The following DEFB132 variants were observed in gnomAD, a reference collection of about 807,000 sequenced individuals.
The protein encoded by DEFB132 is defensin beta 132, also known as beta-defensin 132.
In DEFB132, 5 loss-of-function variants were observed where a neutral mutation model predicts 2.5. That is an observed-to-expected ratio of 2.00 (90% confidence interval 1.04 to 4.20). The LOEUF (loss-of-function observed/expected upper bound fraction) is 4.20, where lower values mean the gene tolerates loss of function less well. DEFB132 is among the 30% of genes most tolerant of loss of function. DEFB132 has a pLI of 0.00. For synonymous variants in DEFB132, 53 were observed against 46.2 expected (o/e 1.15, Z -0.60); for missense variants, 112 against 110.0 (o/e 1.02, Z -0.08).
rs1268004129 is a variant in DEFB132, at chr20:260,402, A to G, written c.*1096A>G. On this transcript the variant is annotated 3_prime_UTR_variant, in exon 2 of 2. Coordinates refer to ENST00000382376, the MANE Select transcript of DEFB132 (RefSeq NM_207469.3). ...ATATACTAATGCCATCTATAAATAC[A>G]AACAAATAGAATGTTTATAGAATAA... The G allele has an allele frequency of 6.6e-6, 1 of 152,244 alleles. No individual in the cohort carries two copies. The highest frequency in any genetic ancestry group is 1.9e-4 in the East Asian group (1 of 5,206). 9.4% of individuals were successfully genotyped at this position (152,244 alleles called of 1,614,324 possible).
In DEFB132 at chr20:259,907, A is replaced by ATGACAGCT. The variant is rs150807788; in HGVS notation, c.*604_*605insCAGCTTGA. The ATGACAGCT allele has an allele frequency of 0.014, 2,164 of 155,862 alleles. 50 individuals are homozygous for ATGACAGCT. Among genetic ancestry groups the ATGACAGCT allele is most frequent in the African/African-American group, 0.049 (2,029 of 41,562 alleles). 9.7% of individuals were successfully genotyped at this position (155,862 alleles called of 1,614,324 possible). A position where few individuals can be genotyped will look rare whatever the true frequency, so the allele number is the denominator to read the frequency against. ...TGACTGCTACCATAGGTCTGGAAGT[A>ATGACAGCT]TGAGGCTGTCCACCAACTATCCCCT... On this transcript the variant is annotated 3_prime_UTR_variant, in exon 2 of 2. Transcript: ENST00000382376.
intron 1 of DEFB132, 55 bp from the exon 2 acceptor site, chr20:259,022 G>C: frequency 1.3e-6 from 2 of 1,571,568 alleles, no homozygotes; most frequent in Non-Finnish European, 1.7e-6. Flanking sequence ...TGACGCTTTA[G>C]TAGCCCTGTG....
In DEFB132 at chr20:257,814, A is replaced by G; in HGVS notation, c.36A>G (p.Gly12=). ...TGCTCCTGGTCTTGGCAGCCCTCGGATTCCTGACCCAGGTGATCCCAGGTA... is the reference window on the plus strand; with the variant it reads ...TGCTCCTGGTCTTGGCAGCCCTCGGGTTCCTGACCCAGGTGATCCCAGGTA... The part of the protein sequence containing the change: ...KFLLLVLAAL[G]FLTQVIPASA... Residue 12 remains glycine, a synonymous_variant, in exon 1 of 2, where the codon GGA becomes GGG. Coordinates refer to ENST00000382376, the MANE Select transcript of DEFB132 (RefSeq NM_207469.3). The G allele has an allele frequency of 1.2e-6, 2 of 1,609,514 alleles. No homozygotes were observed. Among genetic ancestry groups the G allele is most frequent in the Non-Finnish European group, 1.7e-6 (2 of 1,176,696 alleles).
Position 259,392 on chromosome 20 carries a change from G to C in DEFB132, c.*86G>C. 6.9e-7 allele frequency: 1 copy of C among 1,455,576 alleles called. No individual in the cohort carries two copies. The highest frequency in any genetic ancestry group is 9.3e-7 in the Non-Finnish European group (1 of 1,075,238). The allele number at this position is 1,455,576 out of a possible 1,614,324, so 90.2% of individuals were successfully genotyped here. ...CCTACATTGCTGAGTACTAGCCAAG[G>C]CTCCTCTTTATGGGGCAGATATCTA... On this transcript the variant is annotated 3_prime_UTR_variant, in exon 2 of 2. Coordinates refer to ENST00000382376, the MANE Select transcript of DEFB132 (RefSeq NM_207469.3).
rs1017278122 is a variant in DEFB132 at position 260,386 on chromosome 20, T to C, written c.*1080T>C. 1 of 152,214 alleles carries C rather than the reference T, an allele frequency of 6.6e-6. No individual in the cohort carries two copies. The highest frequency in any genetic ancestry group is 1.5e-5 in the Non-Finnish European group (1 of 68,034). 9.4% of individuals were successfully genotyped at this position (152,214 alleles called of 1,614,324 possible). On this transcript the variant is annotated 3_prime_UTR_variant, in exon 2 of 2. Transcript: ENST00000382376. ...ATCTAAATGGTGAAATATATACTAA[T>C]GCCATCTATAAATACAAACAAATAG...
chr20:259,154 T>C lies in DEFB132; in HGVS notation c.136T>C (p.Leu46=), dbSNP rs777642220. The change falls in exon 2 of 2, where the codon TTG becomes CTG. Residue 46 remains leucine (L), a synonymous_variant. Coordinates refer to ENST00000382376, the MANE Select transcript of DEFB132 (RefSeq NM_207469.3). ...RTCCHWGETA[L]FMCNASRKCC... The stretch of plus-strand genomic sequence containing the variant: ...ATGTTGCCACTGGGGGGAGACAGCA[T>C]TGTTCATGTGCAACGCTTCCAGAAA... 4 of 1,614,188 alleles carry C rather than the reference T, an allele frequency of 2.5e-6. No homozygotes were observed. In the African/African-American group the frequency reaches 4.0e-5, roughly 16 times the overall value.
intron 1 of DEFB132, 125 bp from the exon 2 acceptor site, chr20:258,952 T>G: frequency 1.1e-6 from 1 of 920,390 alleles, no homozygotes; most frequent in Non-Finnish European, 1.6e-6. Context: ...CCAAGTCTCA[T>G]TTGCACAACA....
intron 1 of DEFB132, 34 bp downstream of exon 1, chr20:257,870 G>T: frequency 6.3e-7 from 1 of 1,588,326 alleles, no homozygotes; most frequent in South Asian, 1.1e-5. Context: ...AGGAAAACTG[G>T]GAACGAGGAA....
At chr20:258,439 A>T (rs1221696699) in intron 1 of DEFB132, among the ~76,000 whole-genome samples, 11 of 152,184 alleles carry the variant, frequency 7.2e-5, no homozygotes, top group Non-Finnish European at 1.6e-4. Context: ...ATGTGAAGAA[A>T]GCCAAAGAGG....
Position 259,100 on chromosome 20 carries a change from G to A in DEFB132, c.82G>A (p.Val28Met). 1 of 1,614,140 alleles carries A rather than the reference G, an allele frequency of 6.2e-7. No individual in the cohort carries two copies. The highest frequency in any genetic ancestry group is 8.5e-7 in the Non-Finnish European group (1 of 1,180,004). ...AGCCAGTGCAGGTGGGTCAAAATGT[G>A]TGAGTAACACCCCAGGATACTGCAG... is the stretch of plus-strand genomic sequence containing the variant. ...IPASAGGSKC[V>M]SNTPGYCRTC... Residue 28 changes from valine (V) to methionine (M), a missense_variant, in exon 2 of 2, where the codon GTG becomes ATG. By Grantham distance (21) the Val-to-Met change is conservative. Transcript: ENST00000382376.
At position 257,849 on chromosome 20, in the gene DEFB132, A is replaced by T; in HGVS notation, c.58+13A>T. 1 of 1,603,430 alleles carries T rather than the reference A, an allele frequency of 6.2e-7. No individual in the cohort carries two copies. Among genetic ancestry groups the T allele is most frequent in the Non-Finnish European group, 8.5e-7 (1 of 1,171,892 alleles). On this transcript the variant is annotated intron_variant, in intron 1 of 1. Coordinates refer to ENST00000382376, the MANE Select transcript of DEFB132 (RefSeq NM_207469.3). ...CAGGTGATCCCAGGTAAACTGGATA[A>T]ATAGGAGGAAAGGAAAACTGGGAAC...
rs190122531 is a variant in DEFB132 at position 260,233 on chromosome 20, T to G, written c.*927T>G. On this transcript the variant is annotated 3_prime_UTR_variant, in exon 2 of 2. Coordinates refer to ENST00000382376, the MANE Select transcript of DEFB132 (RefSeq NM_207469.3). ...AAATAAGCACAGAGAAGCAGAACTC[T>G]AATTGCTTAATCCACTAAACATTAC... 16 of 152,322 alleles carry G rather than the reference T, an allele frequency of 1.1e-4. No homozygotes were observed. In the East Asian group the frequency reaches 3.1e-3, roughly 29 times the overall value. The allele number at this position is 152,322 out of a possible 1,614,324, so 9.4% of individuals were successfully genotyped here. A position where few individuals can be genotyped will look rare whatever the true frequency, so the allele number is the denominator to read the frequency against.
rs2011639733 is a variant in DEFB132 at position 261,032 on chromosome 20, A to G, written c.*1726A>G. 6.6e-6 allele frequency: 1 copy of G among 152,360 alleles called. No homozygotes were observed. The highest frequency in any genetic ancestry group is 2.4e-5 in the African/African-American group (1 of 41,570). The allele number at this position is 152,360 out of a possible 1,614,324, so 9.4% of individuals were successfully genotyped here. A position where few individuals can be genotyped will look rare whatever the true frequency, so the allele number is the denominator to read the frequency against. The stretch of plus-strand genomic sequence containing the variant: ...CATTTGTATACTGGTTTGTTGATGG[A>G]CATTTGGGTTGTTCCCAGTTTATGG... On this transcript the variant is annotated 3_prime_UTR_variant, in exon 2 of 2. Coordinates refer to ENST00000382376, the MANE Select transcript of DEFB132 (RefSeq NM_207469.3).
intron 1 of DEFB132, among the ~76,000 whole-genome samples, chr20:258,357 G>T (rs538047316): frequency 1.3e-5 from 2 of 152,208 alleles, no homozygotes; most frequent in South Asian, 4.1e-4. Context: ...GATAATGCAG[G>T]GTCAGAAAGA....
chr20:259,614 T>C lies in DEFB132; in HGVS notation c.*308T>C, dbSNP rs949431887. Reference sequence around the variant, plus strand: ...ATTGACTGGGAGAACACACCTCTGATGGACAAAGGTGAGACAGAGCAGCCA... The same window carrying C: ...ATTGACTGGGAGAACACACCTCTGACGGACAAAGGTGAGACAGAGCAGCCA... On this transcript the variant is annotated 3_prime_UTR_variant, in exon 2 of 2. Coordinates refer to ENST00000382376, the MANE Select transcript of DEFB132 (RefSeq NM_207469.3). 2.6e-6 allele frequency: 1 copy of C among 388,590 alleles called. No homozygotes were observed. The highest frequency in any genetic ancestry group is 6.0e-5 in the East Asian group (1 of 16,718). The allele number at this position is 388,590 out of a possible 1,614,324, so 24.1% of individuals were successfully genotyped here.
In DEFB132 at chr20:260,491, A is replaced by G. The variant is rs2011631910; in HGVS notation, c.*1185A>G. ...ATAGTTGTCAAAATTGTCTCCTTAT[A>G]TGATACAAAACTCATGAAAATTATG... On this transcript the variant is annotated 3_prime_UTR_variant, in exon 2 of 2. Coordinates refer to ENST00000382376, the MANE Select transcript of DEFB132 (RefSeq NM_207469.3). 1 of 152,238 alleles carries G rather than the reference A, an allele frequency of 6.6e-6. No individual in the cohort carries two copies. Among genetic ancestry groups the G allele is most frequent in the Non-Finnish European group, 1.5e-5 (1 of 68,020 alleles). 9.4% of individuals were successfully genotyped at this position (152,238 alleles called of 1,614,324 possible). A position where few individuals can be genotyped will look rare whatever the true frequency, so the allele number is the denominator to read the frequency against.
At position 259,529 on chromosome 20, in the gene DEFB132, G is replaced by C. The variant is rs73570488; in HGVS notation, c.*223G>C. The stretch of plus-strand genomic sequence containing the variant: ...TCATCATGCAGATTCGTCCACAGGG[G>C]ATCTGTCAGTTTGGGTCCTCCAAAT... On this transcript the variant is annotated 3_prime_UTR_variant, in exon 2 of 2. Coordinates refer to ENST00000382376, the MANE Select transcript of DEFB132 (RefSeq NM_207469.3). 8,938 of 559,560 alleles carry C rather than the reference G, an allele frequency of 0.016. 341 individuals are homozygous for C. Among genetic ancestry groups the C allele is most frequent in the South Asian group, 0.079 (3,805 of 48,094 alleles). The allele number at this position is 559,560 out of a possible 1,614,324, so 34.7% of individuals were successfully genotyped here. A position where few individuals can be genotyped will look rare whatever the true frequency, so the allele number is the denominator to read the frequency against.
Position 260,603 on chromosome 20 carries a change from A to G in DEFB132, c.*1297A>G, listed in dbSNP as rs893783195. The G allele has an allele frequency of 1.4e-4, 21 of 152,178 alleles. No individual in the cohort carries two copies. Among genetic ancestry groups the G allele is most frequent in the Non-Finnish European group, 4.4e-5 (3 of 68,034 alleles). 9.4% of individuals were successfully genotyped at this position (152,178 alleles called of 1,614,324 possible). ...ATTAGTTTTATATAACATTTATTTG[A>G]CACGTACTGACTTCTATCTGAGAAG... On this transcript the variant is annotated 3_prime_UTR_variant, in exon 2 of 2. Coordinates refer to ENST00000382376, the MANE Select transcript of DEFB132 (RefSeq NM_207469.3).
Position 259,335 on chromosome 20 carries a change from A to C in DEFB132, c.*29A>C. On this transcript the variant is annotated 3_prime_UTR_variant, in exon 2 of 2. Coordinates refer to ENST00000382376, the MANE Select transcript of DEFB132 (RefSeq NM_207469.3). ...CCACTGCTATCGCCTCCACCAACTC[A>C]GAGAAATATCATTTCCACAGTTCCA... 10 of 1,606,364 alleles carry C rather than the reference A, an allele frequency of 6.2e-6. No individual in the cohort carries two copies. Among genetic ancestry groups the C allele is most frequent in the Non-Finnish European group, 8.5e-6 (10 of 1,175,076 alleles).
Sources: gnomAD v4.1 joint callset for allele counts (sites outside exome capture counted in the v4.1 genomes callset) on GRCh38, gnomAD v4.1.1 for gene constraint, MANE v1.5 for transcripts, NCBI Gene and HGNC (gene_info 2026-07-23, HGNC 2026-07-21) for gene names.